CACNA1C: variants seen among roughly 807,000 people sequenced by gnomAD.
The protein encoded by CACNA1C is voltage-dependent L-type calcium channel subunit alpha-1C.
In CACNA1C, 30 loss-of-function variants were observed where a neutral mutation model predicts 229.0. The ratio of observed to expected loss-of-function variants is 0.13; its 90% CI spans 0.10 to 0.18. The LOEUF is 0.18. CACNA1C is among the 10% of genes least tolerant of loss of function. The pLI is 1.00. For synonymous variants in CACNA1C, 1,114 were observed against 1,132.5 expected, an observed-to-expected ratio of 0.98 and a Z score of 0.33; for missense variants, 1,658 against 2,845.0, an observed-to-expected ratio of 0.58 and a Z score of 9.49.
At position 2,646,754 on chromosome 12, in the gene CACNA1C, G is replaced by A. The variant is rs952077717; in HGVS notation, c.3913-1721G>A. Among the ~76,000 whole-genome samples, 3 of 81,810 alleles carry A rather than the reference G, an allele frequency of 3.7e-5. No individual in the cohort carries two copies. Among genetic ancestry groups the A allele is most frequent in the Non-Finnish European group, 6.9e-5 (3 of 43,306 alleles). 53.7% of individuals were successfully genotyped at this position (81,810 alleles called of 152,430 possible). A position where few individuals can be genotyped will look rare whatever the true frequency, so the allele number is the denominator to read the frequency against. ...ATTTCTTCTGTGCATGCCTGTATGA[G>A]AGAGAGAGAGAGAAAGAGAGAGAGA... On this transcript the variant is annotated intron_variant, in intron 30 of 46. Transcript: ENST00000399655. This position sits in a 1 kb window ranked among gnomAD's most constrained non-coding sequence, Gnocchi z 4.6.
chr12:2,571,479 A>G (rs2054373799), intron 13 of CACNA1C, among the ~76,000 whole-genome samples: 1 of 152,216 alleles, frequency 6.6e-6, no homozygotes, highest in South Asian at 2.1e-4. Flanking sequence ...ATATATTTCT[A>G]TAGAAAAGAA....
intron 3 of CACNA1C, among the ~76,000 whole-genome samples, chr12:2,265,601 A>T (rs2082090804): frequency 6.6e-6 from 1 of 152,234 alleles, no homozygotes. Context: ...CCAGGGGACC[A>T]TCTTCCCTGC....
chr12:2,338,291 C>T (rs890595250), intron 3 of CACNA1C, among the ~76,000 whole-genome samples: 24 of 152,102 alleles, frequency 1.6e-4, no homozygotes, highest in Non-Finnish European at 2.2e-4. Context: ...ATGAAGAAAA[C>T]GGACATCTGT....
intron 5 of CACNA1C, among the ~76,000 whole-genome samples, chr12:2,465,780 G>T (rs762463789): frequency 6.6e-6 from 1 of 152,014 alleles, no homozygotes; most frequent in Non-Finnish European, 1.5e-5. Flanking sequence ...GGAGGTTCAC[G>T]AACCCACCCG....
chr12:2,064,518 T>C (rs931755206), intron 1 of CACNA1C, among the ~76,000 whole-genome samples: 3 of 152,230 alleles, frequency 2.0e-5, no homozygotes, highest in African/African-American at 7.2e-5. Flanking sequence ...GCCTTCAGCC[T>C]GAAAGCTGCC....
intron 3 of CACNA1C, among the ~76,000 whole-genome samples, chr12:2,151,268 T>A (rs2095235087): frequency 6.6e-6 from 1 of 152,034 alleles, no homozygotes; most frequent in Admixed American, 6.5e-5. Context: ...TAAGATTTTT[T>A]TTTTTATTTT....
intron 46 of CACNA1C, chr12:2,690,135 C>T (rs531205839): frequency 1.5e-4 from 23 of 152,928 alleles, no homozygotes; most frequent in African/African-American, 5.3e-4. Flanking sequence ...GCACAGATAC[C>T]TCACCCCTGG....
At chr12:2,528,789 C>G (rs2099833989) in intron 9 of CACNA1C, among the ~76,000 whole-genome samples, 1 of 152,146 alleles carries the variant, frequency 6.6e-6, no homozygotes, top group Non-Finnish European at 1.5e-5. Context: ...AAAAGTGAGG[C>G]CGTCGGTTAT....
chr12:2,171,002 G>A (rs2096456323), intron 3 of CACNA1C, among the ~76,000 whole-genome samples: 1 of 152,264 alleles, frequency 6.6e-6, no homozygotes, highest in Non-Finnish European at 1.5e-5. Context: ...GTGCCCTGTG[G>A]CAGGGAGAGA....
At chr12:2,244,479 G>A (rs2072116430) in intron 3 of CACNA1C, among the ~76,000 whole-genome samples, 1 of 152,188 alleles carries the variant, frequency 6.6e-6, no homozygotes, top group Non-Finnish European at 1.5e-5. Flanking sequence ...CATCTCCTCC[G>A]GAAACTGCCC....
chr12:2,456,566 C>G (rs2099424909), intron 4 of CACNA1C, among the ~76,000 whole-genome samples: 1 of 152,194 alleles, frequency 6.6e-6, no homozygotes, highest in Non-Finnish European at 1.5e-5. Context: ...AACGCACACC[C>G]TGCCCCTCCC....
At chr12:2,199,533 G>A (rs996789026) in intron 3 of CACNA1C, among the ~76,000 whole-genome samples, 58 of 151,914 alleles carry the variant, frequency 3.8e-4, no homozygotes, top group African/African-American at 1.4e-3. Context: ...TGTGTTCATC[G>A]ACTATCCTGT....
chr12:2,299,365 G>A (rs1270969406), intron 3 of CACNA1C, among the ~76,000 whole-genome samples: 1 of 152,144 alleles, frequency 6.6e-6, no homozygotes, highest in East Asian at 1.9e-4. Flanking sequence ...ACGTTTTCCG[G>A]TGTATGTGGG....
Position 2,658,645 on chromosome 12 carries a change from G to A in CACNA1C, c.4232+3407G>A, listed in dbSNP as rs556470403. Among the ~76,000 whole-genome samples the A allele has an allele frequency of 5.9e-5, 9 of 151,350 alleles. No homozygotes were observed. In the South Asian group the frequency reaches 8.3e-4, roughly 14 times the overall value. ...CTACTTATTTTTTTTTAAGTTAACC[G>A]TAAAACAGCCTTAGGCAGGTCCTGC... On this transcript the variant is annotated intron_variant, in intron 34 of 46. Coordinates refer to ENST00000399655, the MANE Select transcript of CACNA1C (RefSeq NM_000719.7).
At chr12:2,516,149 T>C (rs1324001890) in intron 9 of CACNA1C, among the ~76,000 whole-genome samples, 1 of 151,884 alleles carries the variant, frequency 6.6e-6, no homozygotes, top group Non-Finnish European at 1.5e-5. Flanking sequence ...AATAAAGACG[T>C]GGAGGCTGGA....
intron 1 of CACNA1C, among the ~76,000 whole-genome samples, chr12:2,012,013 A>T (rs749497471): frequency 6.6e-6 from 1 of 152,184 alleles, no homozygotes; most frequent in Non-Finnish European, 1.5e-5. Context: ...GTAATTACTT[A>T]TTGTTCTTAC....
chr12:2,322,891 C>T (rs556658330), intron 3 of CACNA1C, among the ~76,000 whole-genome samples: 6 of 152,340 alleles, frequency 3.9e-5, no homozygotes, highest in East Asian at 1.9e-4. Context: ...ACTCCACAAA[C>T]GTGAGTGGTT....
chr12:2,384,189 TCTG>T (rs2098324608), intron 3 of CACNA1C, among the ~76,000 whole-genome samples: 1 of 152,254 alleles, frequency 6.6e-6, no homozygotes, highest in South Asian at 2.1e-4. Flanking sequence ...AGGTGACTCA[TCTG>T]CATGCTCCTT....
At chr12:2,530,192 C>G (rs2099837555) in intron 9 of CACNA1C, among the ~76,000 whole-genome samples, 1 of 149,798 alleles carries the variant, frequency 6.7e-6, no homozygotes, top group African/African-American at 2.5e-5. Flanking sequence ...TTAATCAGAT[C>G]AGTGAAACTG....
Sources: gnomAD v4.1 joint callset for allele counts (sites outside exome capture counted in the v4.1 genomes callset) on GRCh38, gnomAD v4.1.1 for gene constraint, Gnocchi (gnomAD v3.1) non-coding constraint, MANE v1.5 for transcripts, NCBI Gene and HGNC (gene_info 2026-07-23, HGNC 2026-07-21) for gene names.